The following FOXP2 variants were observed in gnomAD, a reference collection of about 807,000 sequenced individuals.
The protein encoded by FOXP2 is forkhead box protein P2.
FOXP2 carries 12 observed loss-of-function variants against 115.8 expected under a neutral mutation model. That is an observed-to-expected ratio of 0.10 (90% CI 0.07 to 0.17). The LOEUF (loss-of-function observed/expected upper bound fraction) is 0.17. FOXP2 is among the 10% of genes least tolerant of loss of function. The pLI is 1.00. For missense variants in FOXP2, 629 were observed against 843.5 expected (o/e 0.75, Z 3.15); for synonymous variants, 328 against 297.7 (o/e 1.10, Z -1.05).
At chr7:114,684,627 T>C (rs948954436) in intron 16 of FOXP2, among the ~76,000 whole-genome samples, 1 of 152,226 alleles carries the variant, frequency 6.6e-6, no homozygotes, top group African/African-American at 2.4e-5. Context: ...CTTAGGAGTT[T>C]ATTCTAATTA....
chr7:114,623,050 A>G (rs1804339606), intron 3 of FOXP2, among the ~76,000 whole-genome samples: 1 of 151,926 alleles, frequency 6.6e-6, no homozygotes, highest in Admixed American at 6.6e-5. Flanking sequence ...AATTCTATGT[A>G]ATTATTGATT....
intron 2 of FOXP2, among the ~76,000 whole-genome samples, chr7:114,448,212 T>G (rs1376372921): frequency 6.6e-6 from 1 of 152,142 alleles, no homozygotes; most frequent in Non-Finnish European, 1.5e-5. Context: ...GCAAATGGAA[T>G]AGTTAAGAGT....
At chr7:114,260,226 C>A (rs1173668686) in intron 1 of FOXP2, among the ~76,000 whole-genome samples, 1 of 144,436 alleles carries the variant, frequency 6.9e-6, no homozygotes, top group Non-Finnish European at 1.5e-5. Flanking sequence ...ACAATAACAA[C>A]AACAACAACA....
At chr7:114,275,026 T>C (rs1796156029) in intron 1 of FOXP2, among the ~76,000 whole-genome samples, 1 of 152,126 alleles carries the variant, frequency 6.6e-6, no homozygotes, top group South Asian at 2.1e-4. Context: ...TAGATGTAAT[T>C]CTTATCTTTT....
chr7:114,569,373 T>C (rs1233833351), intron 3 of FOXP2, among the ~76,000 whole-genome samples: 2 of 151,938 alleles, frequency 1.3e-5, no homozygotes, highest in East Asian at 3.9e-4. Context: ...TGTACTCTCC[T>C]CTTAGCTAAT....
At chr7:114,522,173 A>G (rs975652602) in intron 2 of FOXP2, among the ~76,000 whole-genome samples, 9 of 152,178 alleles carry the variant, frequency 5.9e-5, no homozygotes, top group Admixed American at 3.9e-4. Context: ...TAGGTTCTTC[A>G]ATAGAAATGC....
intron 2 of FOXP2, among the ~76,000 whole-genome samples, chr7:114,352,436 C>A (rs1791516058): frequency 6.6e-6 from 1 of 152,100 alleles, no homozygotes; most frequent in Non-Finnish European, 1.5e-5. Flanking sequence ...ATAACATAGA[C>A]CAACAGTATA....
In FOXP2 at chr7:114,479,569, C is replaced by G. The variant is rs1220842141; in HGVS notation, c.168+52890C>G. On this transcript the variant is annotated intron_variant, in intron 2 of 16. Coordinates refer to ENST00000350908, the MANE Select transcript of FOXP2 (RefSeq NM_014491.4). ...AAAAAAAAAAAACTCAGCTCTGGAG[C>G]CAGGAGTATTTTGTAAATATATGAG... Among the ~76,000 whole-genome samples the G allele has an allele frequency of 2.0e-5, 3 of 149,378 alleles. No homozygotes were observed. In the East Asian group the frequency reaches 5.8e-4, roughly 29 times the overall value.
chr7:114,503,741 G>A (rs1334041894), intron 2 of FOXP2, among the ~76,000 whole-genome samples: 2 of 150,974 alleles, frequency 1.3e-5, no homozygotes, highest in Non-Finnish European at 3.0e-5. Flanking sequence ...ACCTCAATAT[G>A]AACTTTCATA....
chr7:114,278,618 T>G (rs1202070805), intron 1 of FOXP2, among the ~76,000 whole-genome samples: 1 of 152,184 alleles, frequency 6.6e-6, no homozygotes, highest in African/African-American at 2.4e-5. Context: ...CTTCCCAAAG[T>G]GCTAGGATTA....
At chr7:114,592,964 T>C (rs1802511692) in intron 3 of FOXP2, among the ~76,000 whole-genome samples, 1 of 152,010 alleles carries the variant, frequency 6.6e-6, no homozygotes, top group South Asian at 2.1e-4. Context: ...ATATTGTCTT[T>C]AGTTTTGTTC....
intron 2 of FOXP2, among the ~76,000 whole-genome samples, chr7:114,497,693 A>C (rs1369164584): frequency 1.3e-5 from 2 of 150,252 alleles, no homozygotes; most frequent in African/African-American, 4.9e-5. Flanking sequence ...AAATAAATAA[A>C]TAAATAAATA....
intron 3 of FOXP2, among the ~76,000 whole-genome samples, chr7:114,597,289 CTT>C (rs1386278793): frequency 2.0e-5 from 3 of 152,060 alleles, no homozygotes; most frequent in Non-Finnish European, 4.4e-5. Context: ...CCCTCAGTCT[CTT>C]CATACTTATA....
At chr7:114,652,781 AT>A (rs1420862467) in intron 9 of FOXP2, among the ~76,000 whole-genome samples, 9 of 152,168 alleles carry the variant, frequency 5.9e-5, no homozygotes, top group South Asian at 2.1e-4. Flanking sequence ...TTGCAAAAAA[AT>A]CTTTATACTT....
chr7:114,685,189 A>C (rs1808298321), intron 16 of FOXP2, among the ~76,000 whole-genome samples: 1 of 152,142 alleles, frequency 6.6e-6, no homozygotes, highest in South Asian at 2.1e-4. Context: ...TAACTTGCAA[A>C]TTGGCTATGG....
At position 114,653,958 on chromosome 7, in the gene FOXP2, G is replaced by A; in HGVS notation, c.1215G>A (p.Met405Ile). 1 of 1,613,260 alleles carries A rather than the reference G, an allele frequency of 6.2e-7. No homozygotes were observed. ...AAGAACGCGAACGTCTTCAAGCAAT[G>A]ATGACCCACTTGCACATGCGACCCT... ...LSKERERLQA[M>I]MTHLHMRPSE... Residue 405 changes from methionine (M) to isoleucine (I), a missense_variant, in exon 10 of 17, where the codon ATG becomes ATA. Met to Ile is a conservative substitution (Grantham distance 10). Coordinates refer to ENST00000350908, the MANE Select transcript of FOXP2 (RefSeq NM_014491.4).
chr7:114,692,943 G>A lies in FOXP2; in HGVS notation c.*3017G>A, dbSNP rs774914928. On this transcript the variant is annotated 3_prime_UTR_variant, in exon 17 of 17. Coordinates refer to ENST00000350908, the MANE Select transcript of FOXP2 (RefSeq NM_014491.4). ...TTGAGAATTGTAACAGCTGTTATTC[G>A]TTCTGTATTCATGGCTTTCACTGCT... is the stretch of plus-strand genomic sequence containing the variant. 3 of 453,722 alleles carry A rather than the reference G, an allele frequency of 6.6e-6. No individual in the cohort carries two copies. Among genetic ancestry groups the A allele is most frequent in the South Asian group, 1.6e-5 (1 of 64,466 alleles). 28.1% of individuals were successfully genotyped at this position (453,722 alleles called of 1,614,324 possible).
At chr7:114,615,113 T>C (rs2894712) in intron 3 of FOXP2, among the ~76,000 whole-genome samples, 134,739 of 152,026 alleles carry the variant, frequency 0.89, 60,921 homozygotes, top group Non-Finnish European at 0.99. Context: ...CAGCTACTCG[T>C]GAGGCTGAGT....
chr7:114,224,142 C>G (rs1794691249), intron 1 of FOXP2, among the ~76,000 whole-genome samples: 1 of 152,108 alleles, frequency 6.6e-6, no homozygotes, highest in Non-Finnish European at 1.5e-5. Flanking sequence ...TGTTTCTGGA[C>G]TTAATTTTCT....
Sources: allele counts gnomAD v4.1 joint callset (sites outside exome capture counted in the v4.1 genomes callset), GRCh38; gene constraint gnomAD v4.1.1; transcripts MANE v1.5; gene names NCBI Gene and HGNC (gene_info 2026-07-23, HGNC 2026-07-21).